Variants in TEX2 observed in about 807,000 individuals in gnomAD.
The protein encoded by TEX2 is testis expressed 2, also known as testis-expressed protein 2.
Under a neutral mutation model 106.9 loss-of-function variants are expected in TEX2, and 53 were observed. The observed-to-expected ratio is 0.50, with a 90% CI of 0.40 to 0.62. The LOEUF is 0.62. Among genes scored for constraint, TEX2 ranks in the 20% least tolerant of loss-of-function variants. TEX2 has a pLI of 0.00. For missense variants in TEX2, 1,207 were observed against 1,379.0 expected, an observed-to-expected ratio of 0.88 and a Z score of 1.98; for synonymous variants, 523 against 534.8, an observed-to-expected ratio of 0.98 and a Z score of 0.30.
At chr17:64,225,125 T>C (rs559536149) in intron 1 of TEX2, among the ~76,000 whole-genome samples, 71 of 151,784 alleles carry the variant, frequency 4.7e-4, no homozygotes, top group African/African-American at 1.5e-3. Context: ...AGAAAAGTCA[T>C]CTATGTGTCT....
chr17:64,154,719 A>T lies in TEX2; in HGVS notation c.2930+123T>A, dbSNP rs997867036. On this transcript the variant is annotated intron_variant, in intron 9 of 11. Coordinates refer to ENST00000584379, the MANE Select transcript of TEX2 (RefSeq NM_001288732.2). Reference sequence around the variant, plus strand: ...ACTGACCTGGGATATTAATAAAAAAACCATCTACTCAACATTAAAGAGGAA... The same window carrying T: ...ACTGACCTGGGATATTAATAAAAAATCCATCTACTCAACATTAAAGAGGAA... 38 of 1,231,862 alleles carry T rather than the reference A, an allele frequency of 3.1e-5. No individual in the cohort carries two copies. In the African/African-American group the frequency reaches 3.4e-4, roughly 11 times the overall value. The allele number at this position is 1,231,862 out of a possible 1,614,324, so 76.3% of individuals were successfully genotyped here. A position where few individuals can be genotyped will look rare whatever the true frequency, so the allele number is the denominator to read the frequency against.
chr17:64,193,868 A>G lies in TEX2; in HGVS notation c.1867T>C (p.Leu623=). 1.3e-6 allele frequency: 2 copies of G among 1,566,646 alleles called. No individual in the cohort carries two copies. Among genetic ancestry groups the G allele is most frequent in the Non-Finnish European group, 1.7e-6 (2 of 1,151,704 alleles). ...DSKIYLVPKT[L]ARKRIWNKKY... is the part of the protein sequence containing the mutation. Reference sequence around the variant, plus strand: ...TTATTCCAGATTCGCTTTCGAGCCAAAGTTTTAGGTACAAGATAAATCTAC... The same window carrying G: ...TTATTCCAGATTCGCTTTCGAGCCAGAGTTTTAGGTACAAGATAAATCTAC... Residue 623 remains leucine, a synonymous_variant, in exon 4 of 12, where the codon TTG becomes CTG. Coordinates refer to ENST00000584379, the MANE Select transcript of TEX2 (RefSeq NM_001288732.2).
At position 64,213,594 on chromosome 17, in the gene TEX2, T is replaced by C. The variant is rs199657071; in HGVS notation, c.624A>G (p.Ala208=). Residue 208 remains alanine (A), a synonymous_variant, in exon 2 of 12, where the codon GCA becomes GCG. Transcript: ENST00000584379. This position sits in a 1 kb window ranked among gnomAD's most constrained non-coding sequence, Gnocchi z 4.4. ...ATGTCTTCATCAAGTGCCTGTGCCT[T>C]GCGGGGTGTGGGGATTCTTTTGGCT... ...EVEPKESPHP[A]RHRHLMKTLV... 11 of 1,614,074 alleles carry C rather than the reference T, an allele frequency of 6.8e-6. No homozygotes were observed. In the East Asian group the frequency reaches 2.5e-4, roughly 36 times the overall value.
At chr17:64,249,250 C>T (rs567119960) in intron 1 of TEX2, among the ~76,000 whole-genome samples, 34 of 152,254 alleles carry the variant, frequency 2.2e-4, no homozygotes, top group African/African-American at 7.9e-4. Context: ...CCATCTCACT[C>T]AACGTTAACC....
chr17:64,151,867 TA>T (rs1176090964), intron 10 of TEX2, among the ~76,000 whole-genome samples: 1 of 152,248 alleles, frequency 6.6e-6, no homozygotes, highest in Non-Finnish European at 1.5e-5. Context: ...TACAATATAT[TA>T]ACAGTGGTTA....
At chr17:64,176,869 T>C (rs938827440) in intron 6 of TEX2, among the ~76,000 whole-genome samples, 4 of 152,216 alleles carry the variant, frequency 2.6e-5, no homozygotes, top group African/African-American at 7.2e-5. Context: ...AGGCCTTAAG[T>C]AGTCTAGCAT....
chr17:64,262,260 G>A (rs2034300899), intron 1 of TEX2, among the ~76,000 whole-genome samples: 1 of 152,264 alleles, frequency 6.6e-6, no homozygotes, highest in Admixed American at 6.5e-5. Context: ...GTAAAACACA[G>A]TGACAAAGTA....
chr17:64,214,306 C>T (rs556681679), intron 1 of TEX2, 64 bp from the exon 2 acceptor site: 51 of 1,373,242 alleles, frequency 3.7e-5, no homozygotes, highest in South Asian at 1.2e-4. Flanking sequence ...CGCTGTCATT[C>T]GCAGATAGGA....
intron 6 of TEX2, among the ~76,000 whole-genome samples, chr17:64,174,693 G>A (rs1240250468): frequency 6.6e-6 from 1 of 152,222 alleles, no homozygotes; most frequent in African/African-American, 2.4e-5. Flanking sequence ...TTCTCAGGCT[G>A]GTGGGTGCTA....
intron 10 of TEX2, among the ~76,000 whole-genome samples, chr17:64,152,155 G>A (rs141363508): frequency 3.3e-5 from 5 of 152,280 alleles, no homozygotes; most frequent in African/African-American, 1.2e-4. Context: ...TGTTATGAGT[G>A]TAGTTTATGG....
intron 8 of TEX2, among the ~76,000 whole-genome samples, chr17:64,158,753 G>C (rs886199378): frequency 6.6e-6 from 1 of 152,164 alleles, no homozygotes; most frequent in Non-Finnish European, 1.5e-5. Flanking sequence ...GAAGGACCCA[G>C]TGCTCTCAGG....
At chr17:64,252,742 C>G (rs1478162753) in intron 1 of TEX2, among the ~76,000 whole-genome samples, 6 of 152,138 alleles carry the variant, frequency 3.9e-5, no homozygotes, top group African/African-American at 1.4e-4. Flanking sequence ...AGATACGAAG[C>G]TAGGTACTGG....
In TEX2 at chr17:64,213,434, T is replaced by C; in HGVS notation, c.784A>G (p.Thr262Ala). The change falls in exon 2 of 12, where the codon ACT becomes GCT. Residue 262 changes from threonine (T) to alanine (A), a missense_variant. By Grantham distance (58) the Thr-to-Ala change is moderately conservative. Transcript: ENST00000584379. The surrounding 1 kb of genome is among the most constrained non-coding windows in gnomAD (Gnocchi z 4.4). The part of the protein sequence containing the change: ...QPRNTGGDSK[T>A]APSSPLTSPS... Reference sequence around the variant, plus strand: ...GAAGTCAGTGGGGAAGAAGGTGCAGTTTTGGAATCTCCACCTGTGTTTCGG... The same window carrying C: ...GAAGTCAGTGGGGAAGAAGGTGCAGCTTTGGAATCTCCACCTGTGTTTCGG... The C allele has an allele frequency of 6.2e-7, 1 of 1,614,036 alleles. No individual in the cohort carries two copies.
chr17:64,149,088 CT>C lies in TEX2; in HGVS notation c.3264del (p.Val1089PhefsTer14). ...TCATCCATGTTTGGCATGACAAAAA[CT>C]TTCTGTAGGAAGATATTAAAGAACA... ...IEKKLEQEFQ[K>X]VFVMPNMDDV... On this transcript the variant is annotated frameshift_variant and splice_region_variant, in exon 12 of 12. Transcript: ENST00000584379. LOFTEE classifies it high-confidence loss of function. 6.2e-7 allele frequency: 1 copy of C among 1,613,818 alleles called. No individual in the cohort carries two copies. Among genetic ancestry groups the C allele is most frequent in the Non-Finnish European group, 8.5e-7 (1 of 1,179,826 alleles).
chr17:64,201,119 C>A lies in TEX2; in HGVS notation c.1645-6024G>T, dbSNP rs149409945. 3.2e-4 allele frequency among the ~76,000 whole-genome samples: 48 copies of A among 152,178 alleles called. 1 individual carries two copies. The highest frequency in any genetic ancestry group is 3.1e-3 in the Admixed American group (48 of 15,278). On this transcript the variant is annotated intron_variant, in intron 2 of 11. Coordinates refer to ENST00000584379, the MANE Select transcript of TEX2 (RefSeq NM_001288732.2). The stretch of plus-strand genomic sequence containing the variant: ...AAAAGACTGCTGGTCAAAACACATG[C>A]GCTGAAACCAACTCACCTACCTTAG...
At chr17:64,210,634 C>CTTTTTTTTTTTTTTTTTTTTTTT (rs58313195) in intron 2 of TEX2, among the ~76,000 whole-genome samples, 4 of 74,758 alleles carry the variant, frequency 5.4e-5, no homozygotes, top group East Asian at 4.0e-4. Context: ...CAACCCCCAG[C>CTTTTTTTTTTTTTTTTTTTTTTT]TTTTTTTTTT....
At chr17:64,206,797 C>G (rs970169070) in intron 2 of TEX2, among the ~76,000 whole-genome samples, 7 of 152,082 alleles carry the variant, frequency 4.6e-5, no homozygotes, top group African/African-American at 1.7e-4. Context: ...CTCCTGACCT[C>G]ACATGATCCA....
chr17:64,221,405 C>A (rs185386369), intron 1 of TEX2, among the ~76,000 whole-genome samples: 214 of 152,234 alleles, frequency 1.4e-3, no homozygotes, highest in Non-Finnish European at 2.7e-3. Context: ...AAGGACAGTT[C>A]TCCAAAAAGA....
At chr17:64,230,611 A>G (rs1047221596) in intron 1 of TEX2, 8 of 152,342 alleles carry the variant, frequency 5.3e-5, no homozygotes, top group Admixed American at 2.6e-4. Context: ...ACACAGACCG[A>G]GTGAGGCCAT....
Sources: allele counts gnomAD v4.1 joint callset (sites outside exome capture counted in the v4.1 genomes callset), GRCh38; gene constraint gnomAD v4.1.1; non-coding constraint Gnocchi (gnomAD v3.1); transcripts MANE v1.5; gene names NCBI Gene and HGNC (gene_info 2026-07-23, HGNC 2026-07-21).